The following PKD2 variants were observed in gnomAD, a reference collection of about 807,000 sequenced individuals.
PKD2 encodes polycystin 2, transient receptor potential cation channel.
PKD2 carries 48 observed loss-of-function variants against 105.9 expected under a neutral mutation model. That is an observed-to-expected ratio of 0.45 (90% CI 0.36 to 0.58). The LOEUF is 0.58. Ranked by LOEUF, PKD2 falls within the 20% of genes least tolerant of loss-of-function variation. The probability of loss-of-function intolerance (pLI) is 0.00; values close to 1 mark genes in which losing one functional copy is unlikely to be tolerated. For missense variants in PKD2, 1,078 were observed against 1,255.3 expected (o/e 0.86, Z 2.13); for synonymous variants, 464 against 481.1 (o/e 0.96, Z 0.46).
intron 4 of PKD2, among the ~76,000 whole-genome samples, chr4:88,040,315 A>G (rs761014664): frequency 6.6e-6 from 1 of 152,116 alleles, no homozygotes; most frequent in Non-Finnish European, 1.5e-5. Flanking sequence ...TCAGTACTCA[A>G]GCTTCCTGAG....
rs374341644 is a variant in PKD2 at position 88,065,264 on chromosome 4, T to C, written c.2119-110T>C. ...ATTCATCCAGCACGTACTTGTTGAATGGCCAATGTACACCAGGTTTGTAGT... is the reference window on the plus strand; with the variant it reads ...ATTCATCCAGCACGTACTTGTTGAACGGCCAATGTACACCAGGTTTGTAGT... On this transcript the variant is annotated intron_variant, in intron 10 of 14. Transcript: ENST00000237596. 716 of 914,286 alleles carry C rather than the reference T, an allele frequency of 7.8e-4. 18 individuals are homozygous for C. In the South Asian group the frequency reaches 9.0e-3, roughly 11 times the overall value. 56.6% of individuals were successfully genotyped at this position (914,286 alleles called of 1,614,324 possible).
chr4:88,074,777 G>A (rs1721168379), intron 13 of PKD2, 35 bp from the exon 14 acceptor site: 1 of 1,612,574 alleles, frequency 6.2e-7, no homozygotes, highest in Non-Finnish European at 8.5e-7. Flanking sequence ...ACAATGACAA[G>A]CACTTTGTCC....
intron 12 of PKD2, among the ~76,000 whole-genome samples, chr4:88,067,196 T>C (rs912815354): frequency 4.6e-5 from 7 of 152,186 alleles, no homozygotes; most frequent in Admixed American, 2.0e-4. Flanking sequence ...AATGCTGTCA[T>C]TGGAGCAGTT....
intron 8 of PKD2, among the ~76,000 whole-genome samples, chr4:88,057,320 A>G (rs1309832700): frequency 1.3e-5 from 2 of 151,572 alleles, no homozygotes; most frequent in African/African-American, 4.9e-5. Context: ...GAAATTTTTA[A>G]CTTTAGACCG....
chr4:88,021,412 GTTTA>G (rs1437398478), intron 2 of PKD2, among the ~76,000 whole-genome samples: 3 of 152,134 alleles, frequency 2.0e-5, no homozygotes, highest in Non-Finnish European at 2.9e-5. Context: ...TGGTTTTCTT[GTTTA>G]TTTGAGAATA....
chr4:88,033,426 C>CAA (rs773009545), intron 2 of PKD2, among the ~76,000 whole-genome samples: 2 of 114,806 alleles, frequency 1.7e-5, no homozygotes, highest in Non-Finnish European at 3.7e-5. Context: ...GACCTTATCT[C>CAA]AAAAAAAAAA....
At chr4:88,060,432 C>G (rs1720525865) in intron 9 of PKD2, among the ~76,000 whole-genome samples, 1 of 132,176 alleles carries the variant, frequency 7.6e-6, no homozygotes, top group Non-Finnish European at 1.5e-5. Flanking sequence ...TTTACTAAGC[C>G]ACTATATCCA....
intron 5 of PKD2, 124 bp from the exon 6 acceptor site, chr4:88,046,517 TG>T: frequency 1.4e-6 from 1 of 726,618 alleles, no homozygotes; most frequent in Non-Finnish European, 2.5e-6. Flanking sequence ...GCCGCTAGTT[TG>T]GGGGGACTCA....
chr4:88,038,340 T>C lies in PKD2; in HGVS notation c.933T>C (p.Tyr311=). Residue 311 remains tyrosine, a synonymous_variant, in exon 4 of 15, where the codon TAT becomes TAC. Transcript: ENST00000237596. ...TEADNRSFIF[Y]ENLLLGVPRI... is the part of the protein sequence containing the mutation. Reference sequence around the variant, plus strand: ...CTGACAACCGAAGTTTCATCTTCTATGAGAACCTGCTGTTAGGGGTTCCAC... The same window carrying C: ...CTGACAACCGAAGTTTCATCTTCTACGAGAACCTGCTGTTAGGGGTTCCAC... 1.9e-6 allele frequency: 3 copies of C among 1,614,118 alleles called. No individual in the cohort carries two copies. The highest frequency in any genetic ancestry group is 2.5e-6 in the Non-Finnish European group (3 of 1,179,952).
intron 9 of PKD2, among the ~76,000 whole-genome samples, chr4:88,059,788 C>T (rs1276067065): frequency 6.7e-6 from 1 of 150,114 alleles, no homozygotes; most frequent in East Asian, 2.0e-4. Flanking sequence ...TACATAGACA[C>T]ATACATAGAT....
intron 2 of PKD2, among the ~76,000 whole-genome samples, chr4:88,021,653 T>G (rs1465496896): frequency 6.6e-6 from 1 of 152,206 alleles, no homozygotes; most frequent in African/African-American, 2.4e-5. Context: ...TTAAGGGACT[T>G]ACTTCTTTGA....
chr4:88,053,263 A>G (rs981651781), intron 7 of PKD2, among the ~76,000 whole-genome samples: 1 of 152,238 alleles, frequency 6.6e-6, no homozygotes, highest in African/African-American at 2.4e-5. Flanking sequence ...CATTTCCATC[A>G]TCACAGAACG....
At chr4:88,070,225 A>T (rs2110143851) in intron 13 of PKD2, among the ~76,000 whole-genome samples, 1 of 152,254 alleles carries the variant, frequency 6.6e-6, no homozygotes, top group Non-Finnish European at 1.5e-5. Context: ...GTCCCCTTGT[A>T]CATGATGACT....
At chr4:88,034,046 C>G (rs1182545089) in intron 2 of PKD2, among the ~76,000 whole-genome samples, 1 of 152,120 alleles carries the variant, frequency 6.6e-6, no homozygotes, top group Non-Finnish European at 1.5e-5. Flanking sequence ...TCTTCATGCC[C>G]AATACCTTGT....
chr4:88,072,531 A>G (rs1337934286), intron 13 of PKD2, among the ~76,000 whole-genome samples: 2 of 152,190 alleles, frequency 1.3e-5, no homozygotes, highest in Admixed American at 1.3e-4. Context: ...CAAAACTGCT[A>G]CTGCTTTACA....
chr4:88,036,604 C>A, intron 3 of PKD2: 1 of 163,372 alleles, frequency 6.1e-6, no homozygotes, highest in Non-Finnish European at 1.3e-5. Flanking sequence ...TATAGTCTAA[C>A]TCTATAAGGT....
intron 2 of PKD2, among the ~76,000 whole-genome samples, chr4:88,025,066 G>C (rs1038610858): frequency 6.6e-6 from 1 of 152,016 alleles, no homozygotes; most frequent in African/African-American, 2.4e-5. Flanking sequence ...CTTAAACCCG[G>C]GAGGTGGAGG....
chr4:88,040,584 A>C (rs2728108), intron 4 of PKD2, among the ~76,000 whole-genome samples: 81,657 of 151,944 alleles, frequency 0.54, 23,620 homozygotes, highest in African/African-American at 0.77. Flanking sequence ...TTTCCTTACC[A>C]TCAATTCACG....
At position 88,061,909 on chromosome 4, in the gene PKD2, A is replaced by G. The variant is rs769419421; in HGVS notation, c.2023A>G (p.Met675Val). ...VFFMFFILLN[M>V]FLAIINDTYS... ...CCCTCCTTTCATTTACAAACAGAAT[A>G]TGTTTTTGGCTATCATCAATGATAC... Residue 675 changes from methionine to valine, a missense_variant, in exon 10 of 15, where the codon ATG (methionine) becomes GTG (valine). Physicochemically the swap from Met to Val is conservative, Grantham distance 21 (BLOSUM62 1). Coordinates refer to ENST00000237596, the MANE Select transcript of PKD2 (RefSeq NM_000297.4). The G allele has an allele frequency of 6.7e-7, 1 of 1,483,120 alleles. No individual in the cohort carries two copies. Among genetic ancestry groups the G allele is most frequent in the Non-Finnish European group, 9.4e-7 (1 of 1,060,888 alleles). 91.9% of individuals were successfully genotyped at this position (1,483,120 alleles called of 1,614,324 possible).
Sources: allele counts gnomAD v4.1 joint callset (sites outside exome capture counted in the v4.1 genomes callset), GRCh38; gene constraint gnomAD v4.1.1; transcripts MANE v1.5; gene names NCBI Gene and HGNC (gene_info 2026-07-23, HGNC 2026-07-21).